The following TRPM3 variants were observed in gnomAD, a reference collection of about 807,000 sequenced individuals.
TRPM3 encodes long transient receptor potential channel 3.
A neutral mutation model predicts 181.2 loss-of-function variants in TRPM3; 77 were observed. The ratio of observed to expected loss-of-function variants is 0.42; its 90% CI spans 0.35 to 0.51. The LOEUF (loss-of-function observed/expected upper bound fraction) is 0.51, where lower values mean the gene tolerates loss of function less well. Ranked by LOEUF, TRPM3 falls within the 20% of genes least tolerant of loss-of-function variation. The probability of loss-of-function intolerance (pLI) is 0.01; values close to 1 mark genes in which losing one functional copy is unlikely to be tolerated. For synonymous variants in TRPM3, 745 were observed against 796.4 expected (o/e 0.94, Z 1.09); for missense variants, 1,759 against 2,196.7 (o/e 0.80, Z 3.98).
chr9:71,201,990 T>G (rs1258043436), intron 1 of TRPM3, among the ~76,000 whole-genome samples: 1 of 152,214 alleles, frequency 6.6e-6, no homozygotes, highest in African/African-American at 2.4e-5. Context: ...ATGATGGTGA[T>G]GTACAGATGG....
intron 1 of TRPM3, among the ~76,000 whole-genome samples, chr9:70,987,331 C>T (rs1228195557): frequency 6.6e-6 from 1 of 152,048 alleles, no homozygotes; most frequent in African/African-American, 2.4e-5. Flanking sequence ...ATTCAATTTT[C>T]AAAAACAATT....
intron 3 of TRPM3, among the ~76,000 whole-genome samples, chr9:70,849,809 A>G (rs1445884596): frequency 1.6e-5 from 1 of 61,808 alleles, no homozygotes; most frequent in Non-Finnish European, 3.9e-5. Flanking sequence ...TTTGATTTAT[A>G]TAAGATTATC....
intron 1 of TRPM3, among the ~76,000 whole-genome samples, chr9:71,249,509 C>T (rs62547699): frequency 0.17 from 25,362 of 152,128 alleles, 2,500 homozygotes; most frequent in Middle Eastern, 0.34. Flanking sequence ...AGCTAATCAT[C>T]AAGCCTTAAA....
At chr9:71,263,853 C>T (rs2083217198) in intron 1 of TRPM3, among the ~76,000 whole-genome samples, 1 of 152,164 alleles carries the variant, frequency 6.6e-6, no homozygotes, top group South Asian at 2.1e-4. Flanking sequence ...GATCATAACT[C>T]ACTGCAGCCT....
At chr9:70,739,617 G>A (rs560567265) in intron 8 of TRPM3, among the ~76,000 whole-genome samples, 4 of 151,520 alleles carry the variant, frequency 2.6e-5, no homozygotes, top group Non-Finnish European at 5.9e-5. Context: ...TTTGAGTCAA[G>A]GTCTCACTCT....
At chr9:71,431,665 T>C (rs571929927) in intron 1 of TRPM3, among the ~76,000 whole-genome samples, 3 of 152,330 alleles carry the variant, frequency 2.0e-5, no homozygotes, top group South Asian at 2.1e-4. Flanking sequence ...ATTCTTTCTC[T>C]ACCTTTTCCC....
At chr9:70,606,458 C>A in intron 19 of TRPM3, among the ~76,000 whole-genome samples, 1 of 152,180 alleles carries the variant, frequency 6.6e-6, no homozygotes, top group Admixed American at 6.5e-5. Context: ...CATAGTCAAG[C>A]TATAATATAA....
intron 1 of TRPM3, among the ~76,000 whole-genome samples, chr9:71,228,059 A>G (rs1282984841): frequency 6.6e-6 from 1 of 152,208 alleles, no homozygotes; most frequent in Admixed American, 6.5e-5. Flanking sequence ...AACATCTTTG[A>G]TGAACACTGA....
At chr9:71,446,567 G>A in intron 1 of TRPM3, 2 of 1,373,620 alleles carry the variant, frequency 1.5e-6, no homozygotes, top group South Asian at 1.4e-5. Context: ...CCTTAGGGAG[G>A]CAAGTTCAGC....
chr9:71,250,163 C>A (rs2309909), intron 1 of TRPM3, among the ~76,000 whole-genome samples: 107,039 of 152,064 alleles, frequency 0.7, 37,955 homozygotes, highest in African/African-American at 0.78. Context: ...TAGAATTTGG[C>A]TTAAACAATT....
intron 3 of TRPM3, among the ~76,000 whole-genome samples, chr9:70,855,062 G>A (rs1306473212): frequency 6.6e-6 from 1 of 152,192 alleles, no homozygotes; most frequent in Non-Finnish European, 1.5e-5. Context: ...GGTGCTAAAG[G>A]TCTTTTTGCT....
At chr9:71,271,796 T>C (rs997321031) in intron 1 of TRPM3, among the ~76,000 whole-genome samples, 22 of 152,222 alleles carry the variant, frequency 1.4e-4, no homozygotes, top group Non-Finnish European at 1.6e-4. Flanking sequence ...AGCTGAGCCA[T>C]TTTCCACCTG....
chr9:71,177,100 T>C (rs1271579792), intron 1 of TRPM3, among the ~76,000 whole-genome samples: 1 of 152,120 alleles, frequency 6.6e-6, no homozygotes, highest in Non-Finnish European at 1.5e-5. Context: ...CACAGGAGCA[T>C]GAACCCTGCT....
intron 1 of TRPM3, among the ~76,000 whole-genome samples, chr9:71,101,681 C>T (rs902003104): frequency 2.0e-5 from 3 of 152,158 alleles, no homozygotes; most frequent in African/African-American, 7.2e-5. Flanking sequence ...AAACCAAAGA[C>T]ATCACTTTCT....
Position 71,128,168 on chromosome 9 carries a change from T to C in TRPM3, c.184-263657A>G, listed in dbSNP as rs2134440571. 2.0e-5 allele frequency among the ~76,000 whole-genome samples: 3 copies of C among 152,302 alleles called. 1 individual carries two copies. In the South Asian group the frequency reaches 6.2e-4, roughly 32 times the overall value. ...CTTACTGCTTTCCTCTGCAGTCCCATGAGTCCTTACTTTTAAAATAGATAG... is the reference window on the plus strand; with the variant it reads ...CTTACTGCTTTCCTCTGCAGTCCCACGAGTCCTTACTTTTAAAATAGATAG... On this transcript the variant is annotated intron_variant, in intron 1 of 24. Transcript: ENST00000357533.
intron 6 of TRPM3, among the ~76,000 whole-genome samples, chr9:70,818,137 T>A (rs760201834): frequency 5.9e-5 from 9 of 152,158 alleles, no homozygotes; most frequent in Non-Finnish European, 7.4e-5. Flanking sequence ...ATTGTCTTCA[T>A]CATTTAACAA....
At chr9:71,200,844 C>G (rs2078737482) in intron 1 of TRPM3, among the ~76,000 whole-genome samples, 1 of 151,014 alleles carries the variant, frequency 6.6e-6, no homozygotes, top group South Asian at 2.1e-4. Context: ...CAGTCTGTGT[C>G]TTTTAATTGG....
At chr9:70,605,160 T>A (rs1589199795) in intron 19 of TRPM3, among the ~76,000 whole-genome samples, 1 of 152,034 alleles carries the variant, frequency 6.6e-6, no homozygotes, top group Admixed American at 6.6e-5. Context: ...TTCATCATGT[T>A]GGCCAGGCTG....
chr9:71,184,284 G>A (rs1398195501), intron 1 of TRPM3, among the ~76,000 whole-genome samples: 1 of 152,084 alleles, frequency 6.6e-6, no homozygotes, highest in Admixed American at 6.6e-5. Context: ...GGTCCAGCAT[G>A]GGGGTTGCAA....
Sources: allele counts gnomAD v4.1 joint callset (sites outside exome capture counted in the v4.1 genomes callset), GRCh38; gene constraint gnomAD v4.1.1; transcripts MANE v1.5; gene names NCBI Gene and HGNC (gene_info 2026-07-23, HGNC 2026-07-21).